NAALADL2: variants seen among roughly 807,000 people sequenced by gnomAD.
The protein encoded by NAALADL2 is N-acetylated alpha-linked acidic dipeptidase like 2, also known as inactive N-acetylated-alpha-linked acidic dipeptidase-like protein 2.
Under a neutral mutation model 87.2 loss-of-function variants are expected in NAALADL2, and 76 were observed. The ratio of observed to expected loss-of-function variants is 0.87; its 90% CI spans 0.72 to 1.05. The LOEUF is 1.05. NAALADL2 is among the 50% of genes least tolerant of loss of function. NAALADL2 has a pLI of 0.00. For synonymous variants in NAALADL2, 354 were observed against 331.0 expected (o/e 1.07, Z -0.75); for missense variants, 1,089 against 945.8 (o/e 1.15, Z -1.99).
At chr3:175,115,046 C>T (rs779777498) in intron 2 of NAALADL2, 1 of 151,470 alleles carries the variant, frequency 6.6e-6, no homozygotes, top group South Asian at 2.1e-4. Flanking sequence ...TTTAAATGAA[C>T]GATAAAGATG....
At chr3:174,485,476 G>C (rs1016845252) in intron 1 of NAALADL2, among the ~76,000 whole-genome samples, 29 of 150,690 alleles carry the variant, frequency 1.9e-4, no homozygotes, top group African/African-American at 6.6e-4. Flanking sequence ...AGGCCCCAGT[G>C]TGTGTTGTTT....
chr3:174,513,945 TTC>T (rs1177953550), intron 1 of NAALADL2, among the ~76,000 whole-genome samples: 1 of 152,140 alleles, frequency 6.6e-6, no homozygotes, highest in Admixed American at 6.5e-5. Context: ...TGTCTTCTTT[TTC>T]TCTCTCTCTT....
rs1004294535 is a variant in NAALADL2 at position 175,101,137 on chromosome 3, T to G, written c.545+3846T>G. On this transcript the variant is annotated intron_variant, in intron 2 of 13. Transcript: ENST00000454872. ...ATTTCAGCTGAGAATTCATCCTGAG[T>G]AAACACATTCTCTGATTTGCATTGA... 2.6e-5 allele frequency among the ~76,000 whole-genome samples: 4 copies of G among 152,336 alleles called. No individual in the cohort carries two copies. In the East Asian group the frequency reaches 7.7e-4, roughly 29 times the overall value.
At chr3:175,140,340 A>G (rs1054804993) in intron 2 of NAALADL2, among the ~76,000 whole-genome samples, 1 of 152,144 alleles carries the variant, frequency 6.6e-6, no homozygotes, top group Non-Finnish European at 1.5e-5. Context: ...AAAATGTACT[A>G]TATGCATGAG....
At chr3:175,446,888 A>G (rs1269325946) in intron 5 of NAALADL2, among the ~76,000 whole-genome samples, 3 of 152,040 alleles carry the variant, frequency 2.0e-5, no homozygotes, top group South Asian at 2.1e-4. Flanking sequence ...CTGCTTTCCA[A>G]CTAGAATCTT....
chr3:174,546,583 T>C (rs1722758085), intron 1 of NAALADL2, among the ~76,000 whole-genome samples: 1 of 152,230 alleles, frequency 6.6e-6, no homozygotes, highest in South Asian at 2.1e-4. Context: ...CGTTGTACCA[T>C]GTGCTCTGCT....
At chr3:175,070,185 AAAAAAT>A (rs1715364289) in intron 1 of NAALADL2, among the ~76,000 whole-genome samples, 1 of 150,446 alleles carries the variant, frequency 6.6e-6, no homozygotes, top group African/African-American at 2.4e-5. Flanking sequence ...AAATAAAAAT[AAAAAAT>A]AAAAATAAAA....
chr3:174,750,001 G>C (rs748393666), intron 3 of NAALADL2, among the ~76,000 whole-genome samples: 1 of 151,866 alleles, frequency 6.6e-6, no homozygotes, highest in Non-Finnish European at 1.5e-5. Flanking sequence ...CCTTCCCATG[G>C]TTCCAAAAAT....
At chr3:174,943,300 TAGTG>T (rs2108478990) in intron 1 of NAALADL2, among the ~76,000 whole-genome samples, 1 of 152,252 alleles carries the variant, frequency 6.6e-6, no homozygotes, top group Non-Finnish European at 1.5e-5. Context: ...GGTGGTATGT[TAGTG>T]AGGTAATTTT....
chr3:174,746,758 T>C (rs143722036), intron 3 of NAALADL2, among the ~76,000 whole-genome samples: 22 of 151,754 alleles, frequency 1.4e-4, no homozygotes, highest in African/African-American at 4.8e-4. Context: ...AAAATAGAGA[T>C]CTCAGAAATA....
At chr3:174,462,525 C>G (rs547498801) in intron 1 of NAALADL2, among the ~76,000 whole-genome samples, 1 of 152,050 alleles carries the variant, frequency 6.6e-6, no homozygotes, top group Non-Finnish European at 1.5e-5. Context: ...GTGGAAAAAT[C>G]TTCAGTATCA....
chr3:174,760,307 G>A (rs757742682), intron 3 of NAALADL2, among the ~76,000 whole-genome samples: 7 of 152,152 alleles, frequency 4.6e-5, no homozygotes, highest in East Asian at 1.9e-4. Context: ...CCACCGAGGA[G>A]GAGTGATAGT....
At chr3:175,022,072 G>A (rs564429757) in intron 1 of NAALADL2, among the ~76,000 whole-genome samples, 1 of 152,036 alleles carries the variant, frequency 6.6e-6, no homozygotes, top group South Asian at 2.1e-4. Flanking sequence ...CTCTCTTGCT[G>A]CCTCTCCTGC....
intron 1 of NAALADL2, among the ~76,000 whole-genome samples, chr3:175,019,692 A>C (rs151171238): frequency 7.7e-4 from 117 of 152,140 alleles, no homozygotes; most frequent in African/African-American, 2.6e-3. Flanking sequence ...GAATGCCGTT[A>C]AGCAGTTGCT....
intron 1 of NAALADL2, among the ~76,000 whole-genome samples, chr3:174,879,095 T>C (rs1728873686): frequency 6.6e-6 from 1 of 152,096 alleles, no homozygotes; most frequent in African/African-American, 2.4e-5. Flanking sequence ...TATACAAGCT[T>C]AACTAGCCTT....
intron 13 of NAALADL2, among the ~76,000 whole-genome samples, chr3:175,799,149 ACT>A (rs1753837727): frequency 6.6e-6 from 1 of 152,036 alleles, no homozygotes. Context: ...TATCGATTGT[ACT>A]CTCTCTTAAA....
intron 1 of NAALADL2, among the ~76,000 whole-genome samples, chr3:174,859,653 G>T (rs1232561166): frequency 6.6e-6 from 1 of 152,102 alleles, no homozygotes. Flanking sequence ...TGTTTTCTCA[G>T]TTGTTTACAA....
At chr3:174,779,095 A>G (rs1715601042) in intron 3 of NAALADL2, among the ~76,000 whole-genome samples, 1 of 152,192 alleles carries the variant, frequency 6.6e-6, no homozygotes. Context: ...ACTCTCACCA[A>G]CATTGTAAAA....
At chr3:174,709,049 A>G (rs541562159) in intron 2 of NAALADL2, among the ~76,000 whole-genome samples, 2 of 152,144 alleles carry the variant, frequency 1.3e-5, no homozygotes, top group South Asian at 4.1e-4. Flanking sequence ...TCAGGCATTC[A>G]TAATATAGGT....
Sources: gnomAD v4.1 joint callset for allele counts (sites outside exome capture counted in the v4.1 genomes callset) on GRCh38, gnomAD v4.1.1 for gene constraint, MANE v1.5 for transcripts, NCBI Gene and HGNC (gene_info 2026-07-23, HGNC 2026-07-21) for gene names.